The following TMEFF2 variants were observed in gnomAD, a reference collection of about 807,000 sequenced individuals.
The protein encoded by TMEFF2 is transmembrane protein with EGF like and two follistatin like domains 2.
Under a neutral mutation model 53.8 loss-of-function variants are expected in TMEFF2, and 28 were observed. That is an observed-to-expected ratio of 0.52 (90% CI 0.39 to 0.71). The LOEUF (loss-of-function observed/expected upper bound fraction) is 0.71. TMEFF2 is among the 30% of genes least tolerant of loss of function. The pLI is 0.00. For missense variants in TMEFF2, 353 were observed against 455.2 expected (o/e 0.78, Z 2.04); for synonymous variants, 162 against 166.3 (o/e 0.97, Z 0.20).
At chr2:192,112,479 T>C (rs1689304973) in intron 4 of TMEFF2, among the ~76,000 whole-genome samples, 1 of 152,192 alleles carries the variant, frequency 6.6e-6, no homozygotes, top group Non-Finnish European at 1.5e-5. Context: ...ACCTCTATTG[T>C]ATCCAGGAAG....
chr2:191,973,037 A>G (rs946041730), intron 7 of TMEFF2, among the ~76,000 whole-genome samples: 1 of 152,220 alleles, frequency 6.6e-6, no homozygotes, highest in African/African-American at 2.4e-5. Flanking sequence ...GAGGAAGGAC[A>G]TTTGTAATTG....
intron 4 of TMEFF2, among the ~76,000 whole-genome samples, chr2:192,151,914 G>C (rs1264919341): frequency 6.6e-6 from 1 of 151,822 alleles, no homozygotes; most frequent in Non-Finnish European, 1.5e-5. Context: ...CTGCAGGGGA[G>C]GAAAATGGCA....
chr2:192,081,587 A>T (rs1030341935), intron 4 of TMEFF2, among the ~76,000 whole-genome samples: 2 of 152,154 alleles, frequency 1.3e-5, no homozygotes, highest in African/African-American at 4.8e-5. Flanking sequence ...CCAGAGGGTG[A>T]GGGATGATAC....
At chr2:192,028,471 T>C (rs1687029273) in intron 5 of TMEFF2, 1 of 60,078 alleles carries the variant, frequency 1.7e-5, no homozygotes, top group Non-Finnish European at 3.4e-5. Flanking sequence ...AACGCTATCA[T>C]ACTGTTTTGT....
chr2:191,980,274 C>CAG (rs1226014484), intron 7 of TMEFF2, among the ~76,000 whole-genome samples: 1 of 152,084 alleles, frequency 6.6e-6, no homozygotes, highest in Non-Finnish European at 1.5e-5. Context: ...GTGACATGGA[C>CAG]AGGAAAGAGA....
chr2:191,973,741 G>GCCT (rs1692721827), intron 7 of TMEFF2, among the ~76,000 whole-genome samples: 1 of 152,152 alleles, frequency 6.6e-6, no homozygotes, highest in Non-Finnish European at 1.5e-5. Context: ...ATCCCCACAT[G>GCCT]TCACAGGAGG....
In TMEFF2 at chr2:192,106,517, C is replaced by T. The variant is rs1048396323; in HGVS notation, c.440-48742G>A. On this transcript the variant is annotated intron_variant, in intron 4 of 9. Transcript: ENST00000272771. ...TAAAACACTGACAACACTTAGCCTA[C>T]ACTGTTTTCAAAAGATGTCCGTGAT... Among the ~76,000 whole-genome samples, 12 of 151,850 alleles carry T rather than the reference C, an allele frequency of 7.9e-5. No homozygotes were observed. The East Asian group carries it at 2.1e-3, about 27-fold the overall frequency.
At chr2:192,012,072 T>G (rs1434966386) in intron 5 of TMEFF2, among the ~76,000 whole-genome samples, 1 of 151,860 alleles carries the variant, frequency 6.6e-6, no homozygotes, top group Non-Finnish European at 1.5e-5. Flanking sequence ...CCCGGCTAAT[T>G]TTTTGTATTT....
intron 5 of TMEFF2, among the ~76,000 whole-genome samples, chr2:192,012,029 G>GGCGCCCACGACC (rs1351013757): frequency 6.6e-6 from 1 of 152,006 alleles, no homozygotes; most frequent in Non-Finnish European, 1.5e-5. Flanking sequence ...TGGGACTATA[G>GGCGCCCACGACC]GCGCCCACGA....
chr2:192,116,828 A>T (rs1221983508), intron 4 of TMEFF2, among the ~76,000 whole-genome samples: 3 of 152,138 alleles, frequency 2.0e-5, no homozygotes, highest in Non-Finnish European at 4.4e-5. Flanking sequence ...GATCAGGATT[A>T]TTAAAAATGC....
At chr2:192,157,489 A>G (rs889206677) in intron 4 of TMEFF2, among the ~76,000 whole-genome samples, 2 of 152,040 alleles carry the variant, frequency 1.3e-5, no homozygotes, top group Admixed American at 6.6e-5. Context: ...TATTGTGACT[A>G]AAAAACAAAA....
At chr2:192,086,685 C>A (rs1369329073) in intron 4 of TMEFF2, among the ~76,000 whole-genome samples, 14 of 152,090 alleles carry the variant, frequency 9.2e-5, no homozygotes, top group Non-Finnish European at 1.5e-5. Flanking sequence ...CAAAACAAGA[C>A]AAATCTCTTA....
intron 5 of TMEFF2, among the ~76,000 whole-genome samples, chr2:192,023,285 A>G (rs1366070168): frequency 6.6e-6 from 1 of 152,160 alleles, no homozygotes; most frequent in Non-Finnish European, 1.5e-5. Flanking sequence ...TTCAACATCC[A>G]TGACTCTGCC....
chr2:191,949,294 T>C lies in TMEFF2; in HGVS notation c.*1017A>G, dbSNP rs1691793519. On this transcript the variant is annotated 3_prime_UTR_variant, in exon 10 of 10. Transcript: ENST00000272771. ...TCTTTCTTACCTCACCACATAAATA[T>C]GCTCAAAACATCTCTCTGTTTTCAT... The C allele has an allele frequency of 1.0e-6, 1 of 985,414 alleles. No individual in the cohort carries two copies. Among genetic ancestry groups the C allele is most frequent in the East Asian group, 1.1e-4 (1 of 8,814 alleles). 61.0% of individuals were successfully genotyped at this position (985,414 alleles called of 1,614,324 possible). A position where few individuals can be genotyped will look rare whatever the true frequency, so the allele number is the denominator to read the frequency against.
intron 4 of TMEFF2, among the ~76,000 whole-genome samples, chr2:192,148,643 G>A (rs1690311418): frequency 6.6e-6 from 1 of 152,026 alleles, no homozygotes; most frequent in Non-Finnish European, 1.5e-5. Flanking sequence ...GGAAGTCCAA[G>A]TGGCCAAAGG....
At chr2:192,101,930 T>G (rs1024940361) in intron 4 of TMEFF2, among the ~76,000 whole-genome samples, 3 of 152,178 alleles carry the variant, frequency 2.0e-5, no homozygotes, top group African/African-American at 7.2e-5. Context: ...CTTTACAGTT[T>G]CCCTATCAAT....
At chr2:192,136,213 G>A (rs953702406) in intron 4 of TMEFF2, among the ~76,000 whole-genome samples, 1 of 152,102 alleles carries the variant, frequency 6.6e-6, no homozygotes, top group Admixed American at 6.5e-5. Flanking sequence ...TCTTTAATTG[G>A]ATTAGCTATA....
At chr2:192,003,287 A>C (rs968887814) in intron 5 of TMEFF2, among the ~76,000 whole-genome samples, 23 of 152,182 alleles carry the variant, frequency 1.5e-4, no homozygotes, top group Admixed American at 1.4e-3. Flanking sequence ...AAAATCGAAG[A>C]GCCTAAATTC....
At chr2:191,955,161 G>T (rs1255920061) in intron 8 of TMEFF2, among the ~76,000 whole-genome samples, 2 of 36,594 alleles carry the variant, frequency 5.5e-5, no homozygotes, top group Admixed American at 2.3e-4. Context: ...GGGAGGAAGA[G>T]TGGGAGAGAG....
Sources: allele counts gnomAD v4.1 joint callset (sites outside exome capture counted in the v4.1 genomes callset), GRCh38; gene constraint gnomAD v4.1.1; transcripts MANE v1.5; gene names NCBI Gene and HGNC (gene_info 2026-07-23, HGNC 2026-07-21).